Variants in LRMDA observed in about 807,000 individuals in gnomAD.
LRMDA encodes leucine-rich melanocyte differentiation-associated protein.
In LRMDA, 18 loss-of-function variants were observed where a neutral mutation model predicts 29.8. The observed-to-expected ratio is 0.60, with a 90% CI of 0.42 to 0.90. The LOEUF (loss-of-function observed/expected upper bound fraction) is 0.90, where lower values mean the gene tolerates loss of function less well. Among genes scored for constraint, LRMDA ranks in the 40% least tolerant of loss-of-function variants. The probability of loss-of-function intolerance (pLI) is 0.00; values close to 1 mark genes in which losing one functional copy is unlikely to be tolerated. For synonymous variants in LRMDA, 125 were observed against 109.4 expected, an observed-to-expected ratio of 1.14 and a Z score of -0.89; for missense variants, 273 against 273.9, an observed-to-expected ratio of 1.00 and a Z score of 0.02.
intron 2 of LRMDA, among the ~76,000 whole-genome samples, chr10:75,786,134 G>C (rs1269471925): frequency 6.6e-6 from 1 of 152,232 alleles, no homozygotes; most frequent in African/African-American, 2.4e-5. Flanking sequence ...TTACTCCTAA[G>C]TTGGTTATTA....
intron 2 of LRMDA, among the ~76,000 whole-genome samples, chr10:75,628,313 G>C (rs1177484812): frequency 1.3e-5 from 2 of 152,198 alleles, no homozygotes; most frequent in Non-Finnish European, 2.9e-5. Context: ...AACACAACCT[G>C]ATGGACACTG....
intron 5 of LRMDA, among the ~76,000 whole-genome samples, chr10:76,100,225 A>G (rs1849375062): frequency 6.6e-6 from 1 of 152,204 alleles, no homozygotes; most frequent in African/African-American, 2.4e-5. Flanking sequence ...TCCTTAGTTC[A>G]GCTAAAACCA....
intron 2 of LRMDA, among the ~76,000 whole-genome samples, chr10:75,652,257 A>T (rs531197634): frequency 2.0e-5 from 3 of 152,228 alleles, no homozygotes; most frequent in Non-Finnish European, 2.9e-5. Context: ...ACGTTGTGTA[A>T]CAGTAAGCAG....
At chr10:76,339,017 C>A (rs1841004137) in intron 6 of LRMDA, among the ~76,000 whole-genome samples, 1 of 151,992 alleles carries the variant, frequency 6.6e-6, no homozygotes, top group Non-Finnish European at 1.5e-5. Flanking sequence ...ACAAAGTCAC[C>A]ATCATGAAGA....
At chr10:76,221,912 A>G (rs1851848195) in intron 5 of LRMDA, among the ~76,000 whole-genome samples, 1 of 152,090 alleles carries the variant, frequency 6.6e-6, no homozygotes. Context: ...TACTGGTACC[A>G]AAACAGAGAT....
chr10:75,781,406 T>TA (rs1407730904), intron 2 of LRMDA, among the ~76,000 whole-genome samples: 4 of 152,188 alleles, frequency 2.6e-5, no homozygotes, highest in Non-Finnish European at 5.9e-5. Context: ...GATTATTGAC[T>TA]AATTAATTGG....
intron 6 of LRMDA, among the ~76,000 whole-genome samples, chr10:76,516,382 T>G (rs1318157279): frequency 1.3e-5 from 2 of 152,154 alleles, no homozygotes; most frequent in Non-Finnish European, 2.9e-5. Flanking sequence ...TTAGGGTACA[T>G]GTGCACAATG....
intron 6 of LRMDA, among the ~76,000 whole-genome samples, chr10:76,429,222 A>G (rs1225067913): frequency 6.6e-6 from 1 of 152,114 alleles, no homozygotes; most frequent in Non-Finnish European, 1.5e-5. Context: ...TCAAAAACTC[A>G]TGATGTCATG....
chr10:76,370,403 C>T (rs1398291676), intron 6 of LRMDA, among the ~76,000 whole-genome samples: 1 of 152,174 alleles, frequency 6.6e-6, no homozygotes, highest in Non-Finnish European at 1.5e-5. Context: ...CCTTACCTAA[C>T]AGCTATAATT....
chr10:75,809,722 C>T (rs958689838), intron 2 of LRMDA, among the ~76,000 whole-genome samples: 63 of 152,214 alleles, frequency 4.1e-4, no homozygotes, highest in African/African-American at 1.4e-3. Flanking sequence ...ATAGACCAAC[C>T]AGTAGTCACT....
In LRMDA at chr10:76,447,289, A is replaced by G. The variant is rs146314031; in HGVS notation, c.602-109920A>G. ...GTTTACATAGTGCTTTCTTATTCAA[A>G]AGGATATTATCTTTTACTTTAAGTA... On this transcript the variant is annotated intron_variant, in intron 6 of 6. Coordinates refer to ENST00000611255, the MANE Select transcript of LRMDA (RefSeq NM_001305581.2). 5.4e-3 allele frequency among the ~76,000 whole-genome samples: 820 copies of G among 152,120 alleles called. 6 individuals are homozygous for G. The highest frequency in any genetic ancestry group is 8.5e-3 in the Non-Finnish European group (575 of 67,996).
intron 5 of LRMDA, among the ~76,000 whole-genome samples, chr10:76,178,017 T>C (rs1303368731): frequency 6.6e-6 from 1 of 152,194 alleles, no homozygotes; most frequent in Non-Finnish European, 1.5e-5. Flanking sequence ...AGGCTGTCTT[T>C]CTCTAACCAG....
chr10:75,983,125 C>T (rs1267361980), intron 2 of LRMDA, among the ~76,000 whole-genome samples: 4 of 152,098 alleles, frequency 2.6e-5, no homozygotes. Flanking sequence ...GGGGGGAGCT[C>T]GGGTTGTAGT....
chr10:76,276,047 A>T lies in LRMDA; in HGVS notation c.517-48354A>T, dbSNP rs1419161320. 5.5e-5 allele frequency among the ~76,000 whole-genome samples: 8 copies of T among 145,004 alleles called. 1 individual carries two copies. Among genetic ancestry groups the T allele is most frequent in the African/African-American group, 8.0e-5 (3 of 37,614 alleles). ...TATCTATCTATCTATCTATCTATCT[A>T]TCTATCTCTTTCTTTCTCTCTTTCT... On this transcript the variant is annotated intron_variant, in intron 5 of 6. Transcript: ENST00000611255.
chr10:76,124,121 C>T (rs1403306918), intron 5 of LRMDA, among the ~76,000 whole-genome samples: 2 of 152,216 alleles, frequency 1.3e-5, no homozygotes, highest in African/African-American at 4.8e-5. Context: ...CCATGACTCT[C>T]TGTGTCTACT....
At chr10:75,487,382 G>A (rs146968980) in intron 2 of LRMDA, among the ~76,000 whole-genome samples, 79 of 152,306 alleles carry the variant, frequency 5.2e-4, no homozygotes, top group African/African-American at 1.9e-3. Context: ...GGATGGGTCT[G>A]GAGCCAGGAC....
At chr10:75,606,284 G>C (rs977097565) in intron 2 of LRMDA, among the ~76,000 whole-genome samples, 1 of 152,214 alleles carries the variant, frequency 6.6e-6, no homozygotes, top group Admixed American at 6.5e-5. Flanking sequence ...AAGTGTGCGA[G>C]AAGGTAGAAT....
chr10:75,836,410 G>A (rs1844437540), intron 2 of LRMDA, among the ~76,000 whole-genome samples: 2 of 152,198 alleles, frequency 1.3e-5, no homozygotes, highest in South Asian at 4.1e-4. Context: ...GGATTCAGAA[G>A]AGGATATTTA....
At chr10:76,218,948 T>G (rs1263574405) in intron 5 of LRMDA, among the ~76,000 whole-genome samples, 1 of 152,194 alleles carries the variant, frequency 6.6e-6, no homozygotes, top group Non-Finnish European at 1.5e-5. Context: ...ACAGAATCTA[T>G]GCAGCTCCTG....
Sources: gnomAD v4.1 joint callset for allele counts (sites outside exome capture counted in the v4.1 genomes callset) on GRCh38, gnomAD v4.1.1 for gene constraint, MANE v1.5 for transcripts, NCBI Gene and HGNC (gene_info 2026-07-23, HGNC 2026-07-21) for gene names.